Variants in MTUS1 observed in about 807,000 individuals in gnomAD.
MTUS1 encodes microtubule associated scaffold protein 1.
Under a neutral mutation model 120.8 loss-of-function variants are expected in MTUS1, and 109 were observed. That is an observed-to-expected ratio of 0.90 (90% CI 0.77 to 1.06). The LOEUF is 1.06. Ranked by LOEUF, MTUS1 falls within the 50% of genes least tolerant of loss-of-function variation. The pLI, the probability that MTUS1 is intolerant of heterozygous loss-of-function variation, is 0.00. For missense variants in MTUS1, 2,210 were observed against 1,486.3 expected (o/e 1.49, Z -8.01); for synonymous variants, 737 against 550.5 (o/e 1.34, Z -4.74).
chr8:17,723,398 C>G (rs544160010), intron 4 of MTUS1: 2 of 481,982 alleles, frequency 4.1e-6, no homozygotes, highest in Non-Finnish European at 7.6e-6. Context: ...TCCAAATCCC[C>G]TGGGTTGCTA....
At chr8:17,761,878 G>C in intron 1 of MTUS1, among the ~76,000 whole-genome samples, 1 of 152,164 alleles carries the variant, frequency 6.6e-6, no homozygotes, top group South Asian at 2.1e-4. Flanking sequence ...TAGTAGTTTA[G>C]CTCTGTAAGC....
chr8:17,648,832 T>G (rs375372521), intron 13 of MTUS1, among the ~76,000 whole-genome samples: 99 of 152,316 alleles, frequency 6.5e-4, no homozygotes, highest in African/African-American at 2.2e-3. Context: ...AAGAGGCCAG[T>G]AGCATGCGGC....
chr8:17,679,916 T>C (rs1813987725), intron 7 of MTUS1, among the ~76,000 whole-genome samples: 1 of 152,222 alleles, frequency 6.6e-6, no homozygotes, highest in Admixed American at 6.5e-5. Flanking sequence ...TCATCCTACA[T>C]CTGGAATTCC....
chr8:17,721,996 A>AG, intron 4 of MTUS1: 1 of 215,996 alleles, frequency 4.6e-6, no homozygotes, highest in Non-Finnish European at 7.3e-6. Context: ...GAATGGAGGG[A>AG]AAAAAAAAAA....
At chr8:17,656,957 G>C (rs928803999) in intron 8 of MTUS1, among the ~76,000 whole-genome samples, 5 of 149,038 alleles carry the variant, frequency 3.4e-5, no homozygotes, top group Non-Finnish European at 7.4e-5. Flanking sequence ...TACTCGGGAA[G>C]TTGAGGCAGG....
chr8:17,800,043 GA>G (rs1357484674), intron 1 of MTUS1, among the ~76,000 whole-genome samples: 3 of 152,042 alleles, frequency 2.0e-5, no homozygotes, highest in Non-Finnish European at 2.9e-5. Flanking sequence ...AACCATCCCT[GA>G]AAAAGCAAAC....
At chr8:17,775,106 TGG>T (rs1235053197) in intron 1 of MTUS1, among the ~76,000 whole-genome samples, 1 of 150,358 alleles carries the variant, frequency 6.7e-6, no homozygotes, top group Admixed American at 6.6e-5. Flanking sequence ...CAGGGGAACA[TGG>T]GGAGCTATTG....
At chr8:17,760,361 T>TA (rs1349740361) in intron 1 of MTUS1, among the ~76,000 whole-genome samples, 2 of 151,870 alleles carry the variant, frequency 1.3e-5, no homozygotes, top group Non-Finnish European at 2.9e-5. Flanking sequence ...TAGACAAGAG[T>TA]AAAAAAATAG....
chr8:17,742,005 A>T (rs2047351935), intron 3 of MTUS1, among the ~76,000 whole-genome samples: 1 of 152,210 alleles, frequency 6.6e-6, no homozygotes, highest in South Asian at 2.1e-4. Context: ...ACCAAGCTAC[A>T]GGTGTTCCTC....
intron 8 of MTUS1, among the ~76,000 whole-genome samples, chr8:17,666,364 G>A (rs185422713): frequency 1.1e-3 from 163 of 151,994 alleles, no homozygotes; most frequent in African/African-American, 3.5e-3. Flanking sequence ...TTTAGAGCAC[G>A]AGGGTCAAAA....
intron 1 of MTUS1, among the ~76,000 whole-genome samples, chr8:17,791,194 C>T (rs1267391171): frequency 6.6e-6 from 1 of 152,182 alleles, no homozygotes; most frequent in Non-Finnish European, 1.5e-5. Flanking sequence ...CCCCAGTCTC[C>T]TTCAGTATAA....
intron 8 of MTUS1, among the ~76,000 whole-genome samples, chr8:17,672,342 C>A (rs1263201475): frequency 6.6e-6 from 1 of 152,164 alleles, no homozygotes; most frequent in Non-Finnish European, 1.5e-5. Flanking sequence ...TTGGGGCAGA[C>A]AATTAGCATC....
chr8:17,682,379 A>T (rs1168273630), intron 7 of MTUS1, among the ~76,000 whole-genome samples: 1 of 152,122 alleles, frequency 6.6e-6, no homozygotes, highest in Admixed American at 6.5e-5. Flanking sequence ...CTAGTCGGGC[A>T]TGGTGGCGGG....
At chr8:17,672,811 T>G (rs1387503751) in intron 8 of MTUS1, among the ~76,000 whole-genome samples, 1 of 152,156 alleles carries the variant, frequency 6.6e-6, no homozygotes, top group African/African-American at 2.4e-5. Flanking sequence ...TTATCAAGGA[T>G]AGGAAGGTGA....
chr8:17,695,337 AAGTCCCAGGTTTT>A (rs1817738814), intron 6 of MTUS1, among the ~76,000 whole-genome samples: 1 of 152,206 alleles, frequency 6.6e-6, no homozygotes, highest in African/African-American at 2.4e-5. Flanking sequence ...TTCTAAATAG[AAGTCCCAGGTTTT>A]AGTCCTATCT....
chr8:17,756,401 G>A (rs2131351008), intron 1 of MTUS1, among the ~76,000 whole-genome samples: 1 of 152,210 alleles, frequency 6.6e-6, no homozygotes, highest in East Asian at 1.9e-4. Flanking sequence ...ATTCTCAGAA[G>A]GGCCCCCCTA....
intron 6 of MTUS1, among the ~76,000 whole-genome samples, chr8:17,708,442 A>G (rs747177290): frequency 2.6e-5 from 4 of 152,186 alleles, no homozygotes; most frequent in Non-Finnish European, 4.4e-5. Flanking sequence ...AAAAAGACAG[A>G]CAAAGCCAAG....
At chr8:17,687,631 T>A (rs570059076) in intron 6 of MTUS1, among the ~76,000 whole-genome samples, 9 of 152,316 alleles carry the variant, frequency 5.9e-5, no homozygotes, top group African/African-American at 1.9e-4. Flanking sequence ...AACTTCTATA[T>A]CGATTCAGAT....
chr8:17,714,131 G>T (rs1216368160), intron 5 of MTUS1, among the ~76,000 whole-genome samples: 3 of 152,144 alleles, frequency 2.0e-5, no homozygotes, highest in African/African-American at 7.2e-5. Flanking sequence ...CCAACCTGAT[G>T]TCAACTCAGC....
Sources: allele counts gnomAD v4.1 joint callset (sites outside exome capture counted in the v4.1 genomes callset), GRCh38; gene constraint gnomAD v4.1.1; transcripts MANE v1.5; gene names NCBI Gene and HGNC (gene_info 2026-07-23, HGNC 2026-07-21).